The following SPAG16 variants were observed in gnomAD, a reference collection of about 807,000 sequenced individuals.
SPAG16 encodes the protein sperm-associated antigen 16 protein.
A neutral mutation model predicts 80.4 loss-of-function variants in SPAG16; 86 were observed. That is an observed-to-expected ratio of 1.07 (90% CI 0.90 to 1.28). SPAG16 has a LOEUF of 1.28. SPAG16 is among the 50% of genes most tolerant of loss of function. The probability of loss-of-function intolerance (pLI) is 0.00; values close to 1 mark genes in which losing one functional copy is unlikely to be tolerated. For synonymous variants in SPAG16, 294 were observed against 265.9 expected, an observed-to-expected ratio of 1.11 and a Z score of -1.03; for missense variants, 870 against 765.3, an observed-to-expected ratio of 1.14 and a Z score of -1.61.
At chr2:214,133,517 C>T (rs758513663) in intron 14 of SPAG16, among the ~76,000 whole-genome samples, 5 of 151,974 alleles carry the variant, frequency 3.3e-5, no homozygotes, top group South Asian at 4.2e-4. Context: ...ATTATCCAGG[C>T]GTGATGATGC....
intron 15 of SPAG16, among the ~76,000 whole-genome samples, chr2:214,369,441 AT>A (rs1699680382): frequency 6.6e-6 from 1 of 152,118 alleles, no homozygotes; most frequent in Non-Finnish European, 1.5e-5. Flanking sequence ...CATGACATAA[AT>A]ACCCTGGCTC....
chr2:213,804,741 G>A (rs541947730), intron 10 of SPAG16, among the ~76,000 whole-genome samples: 1 of 152,016 alleles, frequency 6.6e-6, no homozygotes, highest in East Asian at 1.9e-4. Flanking sequence ...AAGATTACGA[G>A]ACAGGAAGCA....
intron 14 of SPAG16, among the ~76,000 whole-genome samples, chr2:214,145,624 G>A (rs1227296492): frequency 6.6e-6 from 1 of 152,048 alleles, no homozygotes; most frequent in South Asian, 2.1e-4. Flanking sequence ...ATTTGGTGGT[G>A]GGAGGCTTAA....
Position 214,013,994 on chromosome 2 carries a change from A to G in SPAG16, c.1444A>G (p.Asn482Asp). The G allele has an allele frequency of 6.2e-7, 1 of 1,613,606 alleles. No individual in the cohort carries two copies. The highest frequency in any genetic ancestry group is 1.1e-5 in the South Asian group (1 of 91,076). The change falls in exon 13 of 16, where the codon AAC becomes GAC. Residue 482 changes from asparagine (N) to aspartate (D), a missense_variant. Transcript: ENST00000331683. ...TTTGTATGGACATACAGATTCTGTG[A>G]ACAGCATTGAGTTTTTTCCTTTCTC... is the stretch of plus-strand genomic sequence containing the variant. ...CTLYGHTDSV[N>D]SIEFFPFSNT...
At chr2:213,468,495 TTATA>T (rs1338130740) in intron 9 of SPAG16, among the ~76,000 whole-genome samples, 3 of 110,566 alleles carry the variant, frequency 2.7e-5, no homozygotes, top group South Asian at 2.5e-4. Flanking sequence ...ATATATGTAT[TTATA>T]TATAGATATA....
At chr2:213,321,948 A>G (rs575050379) in intron 5 of SPAG16, among the ~76,000 whole-genome samples, 223 of 152,238 alleles carry the variant, frequency 1.5e-3, no homozygotes, top group African/African-American at 5.2e-3. Flanking sequence ...GCAAAAGTCT[A>G]AAGTTGCACT....
At chr2:213,692,084 T>C (rs776096746) in intron 10 of SPAG16, among the ~76,000 whole-genome samples, 1 of 152,130 alleles carries the variant, frequency 6.6e-6, no homozygotes, top group Non-Finnish European at 1.5e-5. Flanking sequence ...GGAGAGTAAT[T>C]ATTAGAAAAA....
chr2:213,853,196 G>A (rs185707437), intron 10 of SPAG16, among the ~76,000 whole-genome samples: 4 of 152,296 alleles, frequency 2.6e-5, no homozygotes, highest in African/African-American at 9.6e-5. Flanking sequence ...GGGAAGACAA[G>A]GGTATCTAAT....
At chr2:214,074,719 C>A (rs991228268) in intron 13 of SPAG16, among the ~76,000 whole-genome samples, 2 of 151,838 alleles carry the variant, frequency 1.3e-5, no homozygotes, top group Admixed American at 6.6e-5. Context: ...AATTAAAAAA[C>A]AGGCAAGAGA....
intron 10 of SPAG16, among the ~76,000 whole-genome samples, chr2:213,787,280 A>C (rs976394921): frequency 4.6e-5 from 7 of 152,140 alleles, no homozygotes; most frequent in African/African-American, 1.7e-4. Flanking sequence ...AGGATAAAGA[A>C]GTAGAAGTTG....
At chr2:214,093,437 A>G (rs981653675) in intron 13 of SPAG16, among the ~76,000 whole-genome samples, 3 of 151,812 alleles carry the variant, frequency 2.0e-5, no homozygotes. Context: ...GTATATATAT[A>G]TATTTCACTT....
rs766555021 is a variant in SPAG16 at position 213,317,339 on chromosome 2, C to T, written c.519C>T (p.His173=). The T allele has an allele frequency of 6.2e-7, 1 of 1,609,130 alleles. No homozygotes were observed. Among genetic ancestry groups the T allele is most frequent in the African/African-American group, 1.3e-5 (1 of 74,784 alleles). Residue 173 remains histidine, a synonymous_variant, in exon 5 of 16, where the codon CAC becomes CAT. Transcript: ENST00000331683. The part of the protein sequence containing the change: ...ENKNLKKDLK[H]YKQAADKARE... ...AAAATTTAAAGAAAGATTTGAAGCA[C>T]TACAAACAAGCAGCTGAGTATGTTA...
At position 213,655,886 on chromosome 2, in the gene SPAG16, A is replaced by G. The variant is rs1024120287; in HGVS notation, c.1070+165796A>G. 2.6e-5 allele frequency among the ~76,000 whole-genome samples: 4 copies of G among 152,198 alleles called. No homozygotes were observed. The East Asian group carries it at 7.7e-4, about 29-fold the overall frequency. On this transcript the variant is annotated intron_variant, in intron 10 of 15. Transcript: ENST00000331683. ...AGTGAAAAGGAAATTGTTTTCGTTTATTTTAGCTTTATATTAAAAAATACA... is the reference window on the plus strand; with the variant it reads ...AGTGAAAAGGAAATTGTTTTCGTTTGTTTTAGCTTTATATTAAAAAATACA...
Position 213,414,312 on chromosome 2 carries a change from T to A in SPAG16, c.942+39193T>A, listed in dbSNP as rs189545440. ...GAAACAATTTTCAGTTTCTTAAAAA[T>A]TCAGTTTATTTAAGCATGTTAATCT... On this transcript the variant is annotated intron_variant, in intron 9 of 15. Coordinates refer to ENST00000331683, the MANE Select transcript of SPAG16 (RefSeq NM_024532.5). 9.9e-5 allele frequency among the ~76,000 whole-genome samples: 15 copies of A among 152,284 alleles called. No homozygotes were observed. In the East Asian group the frequency reaches 2.9e-3, roughly 29 times the overall value.
At chr2:213,525,317 C>CT (rs2075849739) in intron 10 of SPAG16, among the ~76,000 whole-genome samples, 1 of 113,298 alleles carries the variant, frequency 8.8e-6, no homozygotes, top group South Asian at 3.0e-4. Flanking sequence ...GAGACAGAGT[C>CT]TCGCTTGTTC....
chr2:214,213,634 G>A (rs918107389), intron 15 of SPAG16, among the ~76,000 whole-genome samples: 2 of 152,144 alleles, frequency 1.3e-5, no homozygotes, highest in Non-Finnish European at 2.9e-5. Flanking sequence ...TACCCAGTGT[G>A]GCAACCAAAT....
chr2:213,844,746 T>A (rs2074528778), intron 10 of SPAG16, among the ~76,000 whole-genome samples: 1 of 152,226 alleles, frequency 6.6e-6, no homozygotes, highest in African/African-American at 2.4e-5. Flanking sequence ...TTTTTTACTG[T>A]CTTTACCAAT....
chr2:213,853,670 T>G (rs1279388204), intron 10 of SPAG16, among the ~76,000 whole-genome samples: 15 of 152,218 alleles, frequency 9.9e-5, no homozygotes, highest in Admixed American at 9.2e-4. Context: ...AGCCTTTATT[T>G]TTGAATCTTG....
intron 15 of SPAG16, chr2:214,280,882 C>T: frequency 2.4e-6 from 1 of 425,232 alleles, no homozygotes; most frequent in Non-Finnish European, 4.5e-6. Context: ...TCTTCATCTT[C>T]CTCTACTTAG....
Sources: gnomAD v4.1 joint callset for allele counts (sites outside exome capture counted in the v4.1 genomes callset) on GRCh38, gnomAD v4.1.1 for gene constraint, MANE v1.5 for transcripts, NCBI Gene and HGNC (gene_info 2026-07-23, HGNC 2026-07-21) for gene names.